TMEM74: variants seen among roughly 807,000 people sequenced by gnomAD.
TMEM74 encodes transmembrane protein 74.
TMEM74 carries 13 observed loss-of-function variants against 18.1 expected under a neutral mutation model. The observed-to-expected ratio is 0.72, with a 90% CI of 0.47 to 1.14. The LOEUF (loss-of-function observed/expected upper bound fraction) is 1.14. Among genes scored for constraint, TMEM74 ranks in the 50% most tolerant of loss-of-function variants. The pLI, the probability that TMEM74 is intolerant of heterozygous loss-of-function variation, is 0.00. For synonymous variants in TMEM74, 159 were observed against 146.6 expected, an observed-to-expected ratio of 1.08 and a Z score of -0.61; for missense variants, 372 against 375.9, an observed-to-expected ratio of 0.99 and a Z score of 0.09.
At chr8:108,661,071 C>T (rs1407559864) in intron 1 of TMEM74, among the ~76,000 whole-genome samples, 1 of 151,960 alleles carries the variant, frequency 6.6e-6, no homozygotes, top group African/African-American at 2.4e-5. Flanking sequence ...ATTTAGGGAC[C>T]TGAAAAAAAT....
intron 1 of TMEM74, among the ~76,000 whole-genome samples, chr8:108,681,754 G>A (rs1018662385): frequency 6.6e-6 from 1 of 152,080 alleles, no homozygotes; most frequent in African/African-American, 2.4e-5. Flanking sequence ...TAATGGCTAC[G>A]TAACACTATA....
At chr8:108,755,040 G>C (rs1463570915) in intron 1 of TMEM74, among the ~76,000 whole-genome samples, 1 of 151,980 alleles carries the variant, frequency 6.6e-6, no homozygotes, top group Non-Finnish European at 1.5e-5. Context: ...CACCCTCATG[G>C]ACACACCCAG....
chr8:108,644,185 A>G (rs927102507), intron 2 of TMEM74, among the ~76,000 whole-genome samples: 4 of 152,196 alleles, frequency 2.6e-5, no homozygotes, highest in Non-Finnish European at 4.4e-5. Flanking sequence ...TAGAGAAGCC[A>G]GAAATAAAAC....
intron 1 of TMEM74, among the ~76,000 whole-genome samples, chr8:108,754,489 AACATGATAGGATG>A (rs1049221811): frequency 6.6e-6 from 1 of 151,944 alleles, no homozygotes; most frequent in African/African-American, 2.4e-5. Context: ...AAATATGGCA[AACATGATAGGATG>A]TCACTGGGTG....
At chr8:108,772,849 T>G (rs1331240562) in intron 1 of TMEM74, among the ~76,000 whole-genome samples, 1 of 152,110 alleles carries the variant, frequency 6.6e-6, no homozygotes, top group Non-Finnish European at 1.5e-5. Context: ...AAGTCTAACT[T>G]TGCTCATGTA....
chr8:108,685,206 T>A (rs1335014363), intron 1 of TMEM74, among the ~76,000 whole-genome samples: 1 of 152,100 alleles, frequency 6.6e-6, no homozygotes, highest in Non-Finnish European at 1.5e-5. Context: ...CTATTGTAAA[T>A]GAGATTACCT....
chr8:108,628,473 T>C lies in TMEM74; in HGVS notation n.265-19647A>G, dbSNP rs143105224. 5.6e-3 allele frequency among the ~76,000 whole-genome samples: 851 copies of C among 152,218 alleles called. 5 individuals are homozygous for C. Among genetic ancestry groups the C allele is most frequent in the Non-Finnish European group, 7.8e-3 (530 of 67,984 alleles). On this transcript the variant is annotated intron_variant and non_coding_transcript_variant, in intron 2 of 3. Coordinates refer to the TMEM74 transcript ENST00000518838. ...CAAAGGACATGAACTCATCCTTTTTTATGGCTGCATAGTATTTTATGGTGT... is the reference window on the plus strand; with the variant it reads ...CAAAGGACATGAACTCATCCTTTTTCATGGCTGCATAGTATTTTATGGTGT...
At chr8:108,708,183 A>C (rs376174250) in intron 1 of TMEM74, among the ~76,000 whole-genome samples, 33 of 151,288 alleles carry the variant, frequency 2.2e-4, no homozygotes, top group African/African-American at 8.0e-4. Context: ...AGCTCCACTC[A>C]TGTTGCTGCA....
At chr8:108,618,276 G>A (rs903333738) in intron 2 of TMEM74, among the ~76,000 whole-genome samples, 2 of 152,132 alleles carry the variant, frequency 1.3e-5, no homozygotes, top group Non-Finnish European at 2.9e-5. Flanking sequence ...GTAGCAATGG[G>A]CAAAAAGGGT....
Position 108,781,070 on chromosome 8 carries a change from T to C in TMEM74, c.*3111A>G, listed in dbSNP as rs898509732. Reference sequence around the variant, plus strand: ...GCTTTCTTTCTGTAACTCACCCCATTGGGCCACACTGCTGAAAGACGAGCT... The same window carrying C: ...GCTTTCTTTCTGTAACTCACCCCATCGGGCCACACTGCTGAAAGACGAGCT... On this transcript the variant is annotated 3_prime_UTR_variant, in exon 2 of 2. Coordinates refer to ENST00000297459, the MANE Select transcript of TMEM74 (RefSeq NM_153015.3). 2.0e-5 allele frequency among the ~76,000 whole-genome samples: 3 copies of C among 152,088 alleles called. No homozygotes were observed. The highest frequency in any genetic ancestry group is 7.2e-5 in the African/African-American group (3 of 41,424).
chr8:108,618,700 A>T (rs1411864195), intron 2 of TMEM74, among the ~76,000 whole-genome samples: 1 of 152,200 alleles, frequency 6.6e-6, no homozygotes, highest in Non-Finnish European at 1.5e-5. Context: ...CAGAAAATGA[A>T]TTGAAATGCC....
At chr8:108,766,562 T>C (rs1814109174) in intron 1 of TMEM74, among the ~76,000 whole-genome samples, 2 of 152,152 alleles carry the variant, frequency 1.3e-5, no homozygotes. Flanking sequence ...TCCAAAACTT[T>C]CACAATAGAG....
intron 2 of TMEM74, among the ~76,000 whole-genome samples, chr8:108,636,081 A>G (rs1258835036): frequency 2.0e-5 from 3 of 152,092 alleles, no homozygotes; most frequent in Admixed American, 2.0e-4. Context: ...TCAATCAGGA[A>G]AAGTAGCTCC....
chr8:108,663,294 T>C (rs551394420), intron 1 of TMEM74, among the ~76,000 whole-genome samples: 1 of 152,110 alleles, frequency 6.6e-6, no homozygotes, highest in African/African-American at 2.4e-5. Context: ...CATTAAAAAG[T>C]GGGCAAAGGA....
intron 2 of TMEM74, among the ~76,000 whole-genome samples, chr8:108,615,404 A>G (rs569456871): frequency 6.6e-6 from 1 of 152,266 alleles, no homozygotes; most frequent in African/African-American, 2.4e-5. Context: ...CAACCTTCCA[A>G]CCACATAAAC....
At chr8:108,671,768 GA>G (rs554436664) in intron 1 of TMEM74, among the ~76,000 whole-genome samples, 20 of 151,854 alleles carry the variant, frequency 1.3e-4, no homozygotes, top group Non-Finnish European at 1.9e-4. Context: ...AACTATGATT[GA>G]AAAAAAGTAA....
intron 1 of TMEM74, among the ~76,000 whole-genome samples, chr8:108,685,911 A>G (rs2935804): frequency 6.6e-6 from 1 of 151,792 alleles, no homozygotes; most frequent in Non-Finnish European, 1.5e-5. Context: ...GAATAAGCAG[A>G]AGAATGTGTA....
At chr8:108,635,272 A>AT (rs200578586) in intron 2 of TMEM74, among the ~76,000 whole-genome samples, 4,171 of 147,812 alleles carry the variant, frequency 0.028, 177 homozygotes, top group African/African-American at 0.09. Flanking sequence ...GTCTTAGCGC[A>AT]TTTTTTTTTT....
intron 2 of TMEM74, among the ~76,000 whole-genome samples, chr8:108,645,913 G>A (rs1812712719): frequency 6.6e-6 from 1 of 152,086 alleles, no homozygotes; most frequent in Non-Finnish European, 1.5e-5. Flanking sequence ...GGAAGCTATG[G>A]CAATGATTTA....
Sources: gnomAD v4.1 joint callset for allele counts (sites outside exome capture counted in the v4.1 genomes callset) on GRCh38, gnomAD v4.1.1 for gene constraint, MANE v1.5 for transcripts, NCBI Gene and HGNC (gene_info 2026-07-23, HGNC 2026-07-21) for gene names.